CRPPA: variants seen among roughly 807,000 people sequenced by gnomAD.
CRPPA encodes CDP-L-ribitol pyrophosphorylase A, also known as D-ribitol-5-phosphate cytidylyltransferase.
CRPPA carries 43 observed loss-of-function variants against 52.0 expected under a neutral mutation model. The observed-to-expected ratio is 0.83, with a 90% confidence interval of 0.65 to 1.07. The LOEUF (loss-of-function observed/expected upper bound fraction) is 1.07, where lower values mean the gene tolerates loss of function less well. CRPPA is among the 50% of genes least tolerant of loss of function. The probability of loss-of-function intolerance (pLI) is 0.00; values close to 1 mark genes in which losing one functional copy is unlikely to be tolerated. For synonymous variants in CRPPA, 250 were observed against 203.5 expected (o/e 1.23, Z -1.94); for missense variants, 629 against 551.7 (o/e 1.14, Z -1.40).
intron 3 of CRPPA, among the ~76,000 whole-genome samples, chr7:16,334,762 A>G (rs903247863): frequency 2.0e-5 from 3 of 152,150 alleles, no homozygotes; most frequent in Non-Finnish European, 4.4e-5. Flanking sequence ...GCCCAATTAG[A>G]GAAGCTGACA....
At position 16,134,271 on chromosome 7, in the gene CRPPA, T is replaced by G; in HGVS notation, c.1252-42472A>C. 1.6e-5 allele frequency among the ~76,000 whole-genome samples: 2 copies of G among 124,840 alleles called. 1 individual carries two copies. The highest frequency in any genetic ancestry group is 3.7e-5 in the Non-Finnish European group (2 of 54,782). 81.9% of individuals were successfully genotyped at this position (124,840 alleles called of 152,430 possible). A position where few individuals can be genotyped will look rare whatever the true frequency, so the allele number is the denominator to read the frequency against. On this transcript the variant is annotated intron_variant, in intron 9 of 9. Coordinates refer to ENST00000407010, the MANE Select transcript of CRPPA (RefSeq NM_001101426.4). ...ACATCTTTTCCCTAGCTTACTTTAT[T>G]GTAAGAATGCAGTATATAATACATA...
chr7:16,331,277 G>C, intron 3 of CRPPA, among the ~76,000 whole-genome samples: 1 of 152,172 alleles, frequency 6.6e-6, no homozygotes, highest in East Asian at 1.9e-4. Flanking sequence ...GGGATTACAG[G>C]CGTGAGCCAC....
intron 9 of CRPPA, among the ~76,000 whole-genome samples, chr7:16,143,715 G>T (rs1476828360): frequency 6.6e-6 from 1 of 152,140 alleles, no homozygotes; most frequent in Admixed American, 6.5e-5. Flanking sequence ...AAGAGCAATG[G>T]AATAAGAAGA....
intron 9 of CRPPA, among the ~76,000 whole-genome samples, chr7:16,199,676 T>G (rs894542561): frequency 6.6e-6 from 1 of 151,624 alleles, no homozygotes; most frequent in Non-Finnish European, 1.5e-5. Context: ...AAAAAAAAAT[T>G]CAGTAAAGAA....
intron 9 of CRPPA, among the ~76,000 whole-genome samples, chr7:16,175,051 T>C (rs931234998): frequency 6.6e-6 from 1 of 152,208 alleles, no homozygotes; most frequent in African/African-American, 2.4e-5. Context: ...TACACTCATA[T>C]GGCTCAGTGG....
intron 1 of CRPPA, among the ~76,000 whole-genome samples, chr7:16,416,888 A>C (rs1381474085): frequency 6.6e-6 from 1 of 152,154 alleles, no homozygotes; most frequent in Non-Finnish European, 1.5e-5. Context: ...CTATCAGAGT[A>C]AACAGTTTTT....
At chr7:16,420,441 C>A (rs1211666732) in intron 1 of CRPPA, among the ~76,000 whole-genome samples, 3 of 152,138 alleles carry the variant, frequency 2.0e-5, no homozygotes, top group Admixed American at 6.5e-5. Context: ...CCTCCTTATC[C>A]CATTCCCTGT....
At chr7:16,418,768 G>A (rs74721357) in intron 1 of CRPPA, among the ~76,000 whole-genome samples, 2,950 of 152,226 alleles carry the variant, frequency 0.019, 87 homozygotes, top group African/African-American at 0.068. Flanking sequence ...TTTAACATGC[G>A]GGGTTATGGG....
chr7:16,265,104 G>C (rs1783918806), intron 6 of CRPPA, among the ~76,000 whole-genome samples: 1 of 152,172 alleles, frequency 6.6e-6, no homozygotes, highest in South Asian at 2.1e-4. Context: ...TCCTGGTAGA[G>C]TTGTAAGCTA....
intron 2 of CRPPA, among the ~76,000 whole-genome samples, chr7:16,389,360 G>C (rs1787377465): frequency 6.6e-6 from 1 of 151,936 alleles, no homozygotes; most frequent in Admixed American, 6.6e-5. Context: ...TTCTCAACAA[G>C]ATACCTACAA....
chr7:16,276,359 T>C (rs1263695406), intron 6 of CRPPA, among the ~76,000 whole-genome samples: 19 of 152,112 alleles, frequency 1.2e-4, no homozygotes, highest in Admixed American at 1.2e-3. Context: ...TTAAGAAAAC[T>C]GTAGTAAAAC....
chr7:16,239,221 A>G (rs754507602), intron 8 of CRPPA, among the ~76,000 whole-genome samples: 2 of 151,868 alleles, frequency 1.3e-5, no homozygotes, highest in Non-Finnish European at 2.9e-5. Context: ...AACTAAATTC[A>G]AAAACATTAA....
intron 8 of CRPPA, among the ~76,000 whole-genome samples, chr7:16,240,836 C>G (rs897568527): frequency 6.6e-6 from 1 of 152,130 alleles, no homozygotes; most frequent in African/African-American, 2.4e-5. Flanking sequence ...TTAAATTTAA[C>G]AGCATCATCG....
chr7:16,233,237 G>T (rs1271310117), intron 8 of CRPPA, among the ~76,000 whole-genome samples: 1 of 152,078 alleles, frequency 6.6e-6, no homozygotes, highest in Non-Finnish European at 1.5e-5. Context: ...AATAAGAGTT[G>T]CCAGTAAGTT....
Position 16,201,429 on chromosome 7 carries a change from T to A in CRPPA, c.1251+14637A>T, listed in dbSNP as rs142977900. On this transcript the variant is annotated intron_variant, in intron 9 of 9. Coordinates refer to ENST00000407010, the MANE Select transcript of CRPPA (RefSeq NM_001101426.4). The stretch of plus-strand genomic sequence containing the variant: ...ATGTCTTTTAGCCAATCAAATGGTA[T>A]CTTTTCCAAGCCCAACCATAAACGA... Among the ~76,000 whole-genome samples the A allele has an allele frequency of 9.7e-4, 148 of 152,310 alleles. 4 individuals carry two copies. The East Asian group carries it at 0.027, about 28-fold the overall frequency.
At chr7:16,279,024 T>C (rs543696155) in intron 5 of CRPPA, among the ~76,000 whole-genome samples, 1 of 152,322 alleles carries the variant, frequency 6.6e-6, no homozygotes, top group Admixed American at 6.5e-5. Flanking sequence ...TTAACAGCGG[T>C]TCTTCAAAGT....
At chr7:16,219,478 C>G (rs1782436706) in intron 8 of CRPPA, among the ~76,000 whole-genome samples, 1 of 104,326 alleles carries the variant, frequency 9.6e-6, no homozygotes. Context: ...CACAAAAAAC[C>G]CTTCAAAAAA....
At chr7:16,363,316 T>C (rs998488187) in intron 3 of CRPPA, among the ~76,000 whole-genome samples, 1 of 152,136 alleles carries the variant, frequency 6.6e-6, no homozygotes, top group African/African-American at 2.4e-5. Flanking sequence ...CAGCAAATTA[T>C]AAAAAGAAGA....
chr7:16,103,064 A>C (rs1396440161), intron 9 of CRPPA, among the ~76,000 whole-genome samples: 1 of 152,226 alleles, frequency 6.6e-6, no homozygotes, highest in East Asian at 1.9e-4. Flanking sequence ...CCAGATGCCC[A>C]TCAATTATAG....
Sources: allele counts gnomAD v4.1 joint callset (sites outside exome capture counted in the v4.1 genomes callset), GRCh38; gene constraint gnomAD v4.1.1; transcripts MANE v1.5; gene names NCBI Gene and HGNC (gene_info 2026-07-23, HGNC 2026-07-21).